Variants in ZDHHC14 observed in about 807,000 individuals in gnomAD.
ZDHHC14 encodes zDHHC palmitoyltransferase 14.
Under a neutral mutation model 47.7 loss-of-function variants are expected in ZDHHC14, and 16 were observed. The observed-to-expected ratio is 0.34, with a 90% CI of 0.23 to 0.51. ZDHHC14 has a LOEUF of 0.51. ZDHHC14 is among the 20% of genes least tolerant of loss of function. ZDHHC14 has a pLI of 0.97. For missense variants in ZDHHC14, 515 were observed against 662.5 expected (o/e 0.78, Z 2.44); for synonymous variants, 293 against 278.9 (o/e 1.05, Z -0.50).
chr6:157,611,523 C>T (rs756097658), intron 3 of ZDHHC14, among the ~76,000 whole-genome samples: 19 of 152,270 alleles, frequency 1.2e-4, no homozygotes, highest in South Asian at 4.1e-4. Context: ...CTCCCGGGCA[C>T]ATTTTCATCC....
intron 1 of ZDHHC14, among the ~76,000 whole-genome samples, chr6:157,494,317 C>T (rs1309904608): frequency 2.0e-5 from 3 of 152,198 alleles, no homozygotes; most frequent in Non-Finnish European, 4.4e-5. Flanking sequence ...GATGCCTGTC[C>T]CTCCTCCGAC....
chr6:157,381,967 C>T lies in ZDHHC14; in HGVS notation c.-55C>T, dbSNP rs1583597526. The T allele has an allele frequency of 1.7e-5, 18 of 1,051,620 alleles. No individual in the cohort carries two copies. The highest frequency in any genetic ancestry group is 2.1e-5 in the Non-Finnish European group (18 of 872,388). 65.1% of individuals were successfully genotyped at this position (1,051,620 alleles called of 1,614,324 possible). ...GGCGGCGGTCGTGGCTCGGCGGGGC[C>T]CGCGCGGCCGGGGGGCTCCTGGGGG... On this transcript the variant is annotated 5_prime_UTR_variant, in exon 1 of 9. Transcript: ENST00000359775.
chr6:157,556,575 T>G (rs1272838677), intron 2 of ZDHHC14, among the ~76,000 whole-genome samples: 1 of 152,194 alleles, frequency 6.6e-6, no homozygotes, highest in East Asian at 1.9e-4. Context: ...GGAACGGGTC[T>G]CGAATCCAGG....
chr6:157,590,177 C>G (rs1783854170), intron 2 of ZDHHC14, among the ~76,000 whole-genome samples: 1 of 152,122 alleles, frequency 6.6e-6, no homozygotes, highest in East Asian at 1.9e-4. Flanking sequence ...CCAGATCATG[C>G]AGCAGAAAAG....
chr6:157,673,116 C>A lies in ZDHHC14; in HGVS notation c.1461C>A (p.Ser487=). 1 of 1,571,664 alleles carries A rather than the reference C, an allele frequency of 6.4e-7. No homozygotes were observed. Among genetic ancestry groups the A allele is most frequent in the East Asian group, 2.3e-5 (1 of 43,688 alleles). Reference sequence around the variant, plus strand: ...TGCGCGGCCTGGTGAAGCTCAGCTCCGTGTGACCCACATGGCCCCAGGCCG... The same window carrying A: ...TGCGCGGCCTGGTGAAGCTCAGCTCAGTGTGACCCACATGGCCCCAGGCCG... The part of the protein sequence containing the change: ...DSVRGLVKLS[S]V Residue 487 remains serine, a synonymous_variant, in exon 9 of 9, where the codon TCC becomes TCA. Transcript: ENST00000359775. The surrounding 1 kb of genome is among the most constrained non-coding windows in gnomAD (Gnocchi z 5.4).
chr6:157,622,216 C>CAAAAA (rs35681787), intron 3 of ZDHHC14, among the ~76,000 whole-genome samples: 34 of 93,842 alleles, frequency 3.6e-4, no homozygotes, highest in African/African-American at 1.1e-3. Flanking sequence ...ACTAAAAATA[C>CAAAAA]AAAAAAAAAA....
chr6:157,394,341 A>G (rs998015359), intron 1 of ZDHHC14, among the ~76,000 whole-genome samples: 3 of 152,252 alleles, frequency 2.0e-5, no homozygotes, highest in Admixed American at 6.5e-5. Context: ...GCCAGCCCAC[A>G]TATGAAGGAC....
At chr6:157,599,225 A>G (rs765992086) in intron 3 of ZDHHC14, among the ~76,000 whole-genome samples, 7 of 152,248 alleles carry the variant, frequency 4.6e-5, no homozygotes, top group Non-Finnish European at 1.0e-4. Flanking sequence ...AGAATCAACA[A>G]GGAGGCTGGA....
chr6:157,563,947 A>AG (rs1187138708), intron 2 of ZDHHC14, among the ~76,000 whole-genome samples: 2 of 152,196 alleles, frequency 1.3e-5, no homozygotes, highest in East Asian at 3.8e-4. Context: ...TGGCTCCCTA[A>AG]GGGGGAACCC....
chr6:157,522,164 G>A (rs771297832), intron 1 of ZDHHC14, among the ~76,000 whole-genome samples: 2 of 151,982 alleles, frequency 1.3e-5, no homozygotes, highest in African/African-American at 4.8e-5. Flanking sequence ...ATACCTACCC[G>A]TACAGTTGCC....
At chr6:157,550,096 G>T (rs1562475772) in intron 2 of ZDHHC14, among the ~76,000 whole-genome samples, 1 of 152,212 alleles carries the variant, frequency 6.6e-6, no homozygotes, top group Admixed American at 6.5e-5. Context: ...CTTACAGGAA[G>T]AGAAATTGAG....
chr6:157,615,480 A>T (rs752380773), intron 3 of ZDHHC14, among the ~76,000 whole-genome samples: 1 of 152,214 alleles, frequency 6.6e-6, no homozygotes, highest in African/African-American at 2.4e-5. Flanking sequence ...CATTGTGTGA[A>T]ATGTGTAGAC....
intron 1 of ZDHHC14, among the ~76,000 whole-genome samples, chr6:157,383,281 T>C (rs908833372): frequency 2.7e-4 from 41 of 152,232 alleles, no homozygotes; most frequent in African/African-American, 9.9e-4. Context: ...GAGTTACTTT[T>C]TTCCCCTCAG....
intron 1 of ZDHHC14, among the ~76,000 whole-genome samples, chr6:157,446,500 C>A (rs930882009): frequency 2.6e-5 from 4 of 152,080 alleles, no homozygotes; most frequent in Admixed American, 2.6e-4. Context: ...ACCTCTGCCT[C>A]CCAGGTTCAA....
chr6:157,455,341 A>G (rs1404880006), intron 1 of ZDHHC14, among the ~76,000 whole-genome samples: 1 of 152,234 alleles, frequency 6.6e-6, no homozygotes, highest in Non-Finnish European at 1.5e-5. Flanking sequence ...GAGGCAAAGC[A>G]CTCAGGAACT....
chr6:157,403,972 A>G (rs1028199083), intron 1 of ZDHHC14, among the ~76,000 whole-genome samples: 1 of 152,260 alleles, frequency 6.6e-6, no homozygotes, highest in Non-Finnish European at 1.5e-5. Flanking sequence ...GCCTGCCTGC[A>G]CAAGCCAGGT....
intron 2 of ZDHHC14, among the ~76,000 whole-genome samples, chr6:157,553,280 T>C (rs1782321307): frequency 6.6e-6 from 1 of 152,198 alleles, no homozygotes; most frequent in Admixed American, 6.5e-5. Context: ...GTGAGGGTTC[T>C]GGCTAACTCG....
chr6:157,530,044 A>C (rs1048493829), intron 1 of ZDHHC14, among the ~76,000 whole-genome samples: 2 of 152,240 alleles, frequency 1.3e-5, no homozygotes, highest in Non-Finnish European at 2.9e-5. Context: ...GTTATATGTG[A>C]AACTGCCTGC....
At chr6:157,575,663 G>T (rs1160278599) in intron 2 of ZDHHC14, among the ~76,000 whole-genome samples, 1 of 152,226 alleles carries the variant, frequency 6.6e-6, no homozygotes, top group Non-Finnish European at 1.5e-5. Context: ...TCCAGATCCT[G>T]GCTCAAATGC....
Sources: allele counts gnomAD v4.1 joint callset (sites outside exome capture counted in the v4.1 genomes callset), GRCh38; gene constraint gnomAD v4.1.1; non-coding constraint Gnocchi (gnomAD v3.1); transcripts MANE v1.5; gene names NCBI Gene and HGNC (gene_info 2026-07-23, HGNC 2026-07-21).